TMEM272: variants seen among roughly 807,000 people sequenced by gnomAD.
TMEM272 encodes transmembrane protein 272, also known as long intergenic non-protein coding RNA 282.
A neutral mutation model predicts 3.7 loss-of-function variants in TMEM272; 8 were observed. That is an observed-to-expected ratio of 2.17 (90% CI 1.27 to 3.91). The LOEUF (loss-of-function observed/expected upper bound fraction) is 3.91. Among genes scored for constraint, TMEM272 ranks in the 30% most tolerant of loss-of-function variants. TMEM272 has a pLI of 0.00. For synonymous variants in TMEM272, 63 were observed against 39.8 expected (o/e 1.58, Z -2.20); for missense variants, 166 against 91.5 (o/e 1.81, Z -3.32).
At chr13:51,912,928 T>TA in the TMEM272 span, among the ~76,000 whole-genome samples, 1 of 152,138 alleles carries the variant, frequency 6.6e-6, no homozygotes, top group Non-Finnish European at 1.5e-5. Flanking sequence ...GTTAGAAAAT[T>TA]AACACTTGTG....
At chr13:51,925,559 A>G in the TMEM272 span, among the ~76,000 whole-genome samples, 11 of 152,120 alleles carry the variant, frequency 7.2e-5, no homozygotes, top group African/African-American at 2.2e-4. Flanking sequence ...AAATATAGAC[A>G]CATAGAGCCA....
chr13:51,931,125 G>C, the TMEM272 span, among the ~76,000 whole-genome samples: 2 of 152,050 alleles, frequency 1.3e-5, no homozygotes, highest in Non-Finnish European at 2.9e-5. Context: ...AGTATCCAAA[G>C]GATTATAAAT....
intron 2 of TMEM272, among the ~76,000 whole-genome samples, chr13:51,837,477 G>A (rs1956225391): frequency 6.6e-6 from 1 of 152,222 alleles, no homozygotes; most frequent in Non-Finnish European, 1.5e-5. Context: ...GGGATGAAAG[G>A]AGGGTGGCCC....
the TMEM272 span, among the ~76,000 whole-genome samples, chr13:51,890,066 G>A: frequency 6.6e-6 from 1 of 152,316 alleles, no homozygotes; most frequent in South Asian, 2.1e-4. Context: ...AGCAACACTG[G>A]TGGTGGCTGT....
chr13:51,907,378 G>C, the TMEM272 span, among the ~76,000 whole-genome samples: 2 of 152,124 alleles, frequency 1.3e-5, no homozygotes, highest in Non-Finnish European at 2.9e-5. Context: ...ACTTGCCCTT[G>C]AGCGTGCTTT....
intron 2 of TMEM272, among the ~76,000 whole-genome samples, chr13:51,829,469 G>A (rs1340710372): frequency 2.0e-5 from 3 of 152,130 alleles, no homozygotes; most frequent in African/African-American, 7.2e-5. Flanking sequence ...TGGCAGGTGT[G>A]GTGAATTAGA....
intron 3 of TMEM272, among the ~76,000 whole-genome samples, chr13:51,825,514 T>G (rs1255689976): frequency 6.6e-6 from 1 of 152,208 alleles, no homozygotes; most frequent in Non-Finnish European, 1.5e-5. Flanking sequence ...ATTAGGGTAC[T>G]GGGTGTTTCG....
the TMEM272 span, among the ~76,000 whole-genome samples, chr13:51,857,898 A>G: frequency 6.6e-6 from 1 of 152,130 alleles, no homozygotes; most frequent in African/African-American, 2.4e-5. Flanking sequence ...GGGCACAGAA[A>G]GGTTGAAATA....
Position 51,831,531 on chromosome 13 carries a change from G to A in TMEM272, c.59-4906C>T, listed in dbSNP as rs1426124138. 1.3e-5 allele frequency among the ~76,000 whole-genome samples: 2 copies of A among 152,236 alleles called. 1 individual carries two copies. The highest frequency in any genetic ancestry group is 4.1e-4 in the South Asian group (2 of 4,826). ...AGCTGTCTGCTCAGCATGGTGTGAGGTGCTGGGGTTGGGCTAGGTTGTAGG... is the reference window on the plus strand; with the variant it reads ...AGCTGTCTGCTCAGCATGGTGTGAGATGCTGGGGTTGGGCTAGGTTGTAGG... On this transcript the variant is annotated intron_variant, in intron 2 of 4. Coordinates refer to ENST00000629372, the MANE Select transcript of TMEM272 (RefSeq NM_001351003.2).
At chr13:51,817,845 C>A (rs1956047466) in intron 4 of TMEM272, among the ~76,000 whole-genome samples, 2 of 152,166 alleles carry the variant, frequency 1.3e-5, no homozygotes, top group Admixed American at 1.3e-4. Flanking sequence ...TGACTCCAGC[C>A]TGACACGCCT....
the TMEM272 span, among the ~76,000 whole-genome samples, chr13:51,867,000 C>T: frequency 6.6e-6 from 1 of 152,170 alleles, no homozygotes; most frequent in Non-Finnish European, 1.5e-5. Flanking sequence ...AACTTTTCTT[C>T]TGGGGGTGGG....
chr13:51,841,030 T>C (rs1323298552), intron 1 of TMEM272, among the ~76,000 whole-genome samples: 5 of 152,256 alleles, frequency 3.3e-5, no homozygotes, highest in Admixed American at 6.5e-5. Context: ...TTATTGTTGA[T>C]GTCCACACTT....
the TMEM272 span, among the ~76,000 whole-genome samples, chr13:51,931,576 C>T: frequency 7.2e-5 from 11 of 152,270 alleles, no homozygotes; most frequent in African/African-American, 2.6e-4. Context: ...CACAATGGCA[C>T]ATGTGTACCT....
At chr13:51,840,921 G>C (rs1956257376) in intron 1 of TMEM272, among the ~76,000 whole-genome samples, 1 of 152,170 alleles carries the variant, frequency 6.6e-6, no homozygotes, top group Non-Finnish European at 1.5e-5. Context: ...AATGAGACCA[G>C]TTCTCTGGCC....
chr13:51,931,215 T>G, the TMEM272 span, among the ~76,000 whole-genome samples: 1 of 150,332 alleles, frequency 6.7e-6, no homozygotes, highest in East Asian at 2.0e-4. Context: ...CCAACGCAAA[T>G]GCCCATCAAT....
At chr13:51,864,601 GGGATGGTCATT>G in the TMEM272 span, among the ~76,000 whole-genome samples, 1 of 152,122 alleles carries the variant, frequency 6.6e-6, no homozygotes, top group Non-Finnish European at 1.5e-5. Context: ...CCACTCTATT[GGGATGGTCATT>G]GGATTGTTTC....
chr13:51,909,562 A>C, the TMEM272 span: 1 of 1,115,294 alleles, frequency 9.0e-7, no homozygotes, highest in Non-Finnish European at 1.4e-6. Context: ...AAGATTTTTA[A>C]TATGCTCTCT....
the TMEM272 span, among the ~76,000 whole-genome samples, chr13:51,862,700 A>T: frequency 6.6e-6 from 1 of 152,254 alleles, no homozygotes; most frequent in African/African-American, 2.4e-5. Flanking sequence ...GTGCTGAAGG[A>T]TTCGCTAGGT....
the TMEM272 span, among the ~76,000 whole-genome samples, chr13:51,886,215 G>C: frequency 6.6e-6 from 1 of 152,210 alleles, no homozygotes; most frequent in East Asian, 1.9e-4. Context: ...AATGACTGCA[G>C]ACTCTGGAAA....
Sources: allele counts gnomAD v4.1 joint callset (sites outside exome capture counted in the v4.1 genomes callset), GRCh38; gene constraint gnomAD v4.1.1; transcripts MANE v1.5; gene names NCBI Gene and HGNC (gene_info 2026-07-23, HGNC 2026-07-21).